The following RIMS2 variants were observed in gnomAD, a reference collection of about 807,000 sequenced individuals.
RIMS2 encodes regulating synaptic membrane exocytosis protein 2.
RIMS2 carries 59 observed loss-of-function variants against 174.4 expected under a neutral mutation model. The observed-to-expected ratio is 0.34, with a 90% CI of 0.27 to 0.42. The LOEUF (loss-of-function observed/expected upper bound fraction) is 0.42, where lower values mean the gene tolerates loss of function less well. RIMS2 is among the 10% of genes least tolerant of loss of function. RIMS2 has a pLI of 1.00. For synonymous variants in RIMS2, 606 were observed against 572.5 expected (o/e 1.06, Z -0.84); for missense variants, 1,620 against 1,666.3 (o/e 0.97, Z 0.48).
chr8:103,586,330 A>G (rs2133083879), intron 1 of RIMS2, among the ~76,000 whole-genome samples: 1 of 152,340 alleles, frequency 6.6e-6, no homozygotes, highest in South Asian at 2.1e-4. Context: ...ATTCTCAAAG[A>G]TAGACTATAT....
intron 2 of RIMS2, among the ~76,000 whole-genome samples, chr8:103,732,668 A>G (rs1280692681): frequency 6.6e-6 from 1 of 151,970 alleles, no homozygotes; most frequent in African/African-American, 2.4e-5. Flanking sequence ...GAAAGACAAA[A>G]TGTTTCCCAC....
chr8:103,521,077 T>C (rs1199599594), intron 1 of RIMS2, among the ~76,000 whole-genome samples: 2 of 144,534 alleles, frequency 1.4e-5, no homozygotes, highest in African/African-American at 2.6e-5. Context: ...TAGGTGGGAA[T>C]TGAACAATGA....
intron 19 of RIMS2, among the ~76,000 whole-genome samples, chr8:104,235,518 T>C (rs2139513517): frequency 6.6e-6 from 1 of 152,284 alleles, no homozygotes; most frequent in Admixed American, 6.5e-5. Flanking sequence ...TTGTTCTGAA[T>C]TGAGTAGTTG....
At chr8:104,192,574 C>A (rs1394007440) in intron 19 of RIMS2, among the ~76,000 whole-genome samples, 1 of 152,126 alleles carries the variant, frequency 6.6e-6, no homozygotes, top group South Asian at 2.1e-4. Context: ...GCTAGTGCCA[C>A]AAATGAGTAT....
In RIMS2 at chr8:104,218,455, A is replaced by G. The variant is rs1451594367; in HGVS notation, c.3335-26461A>G. On this transcript the variant is annotated intron_variant, in intron 19 of 23. Coordinates refer to ENST00000504942, the Ensembl canonical transcript of RIMS2. Reference sequence around the variant, plus strand: ...GTTTTGTCGAAGACAGTTCTTCCACAGACCAGGAGCAAGGGATGGTTTCAG... The same window carrying G: ...GTTTTGTCGAAGACAGTTCTTCCACGGACCAGGAGCAAGGGATGGTTTCAG... Among the ~76,000 whole-genome samples, 7 of 152,214 alleles carry G rather than the reference A, an allele frequency of 4.6e-5. No homozygotes were observed. The South Asian group carries it at 8.3e-4, about 18-fold the overall frequency.
chr8:104,203,025 A>C (rs2099062531), intron 19 of RIMS2, among the ~76,000 whole-genome samples: 1 of 152,170 alleles, frequency 6.6e-6, no homozygotes, highest in African/African-American at 2.4e-5. Flanking sequence ...CTTCACGTGA[A>C]GTTGTATTCA....
chr8:103,744,087 C>T (rs7818836), intron 2 of RIMS2, among the ~76,000 whole-genome samples: 34,929 of 152,022 alleles, frequency 0.23, 4,297 homozygotes, highest in Non-Finnish European at 0.25. Flanking sequence ...TGCTCTGTTG[C>T]CAGGCTGGAG....
At chr8:103,629,749 A>T (rs1469442339) in intron 1 of RIMS2, among the ~76,000 whole-genome samples, 2 of 152,154 alleles carry the variant, frequency 1.3e-5, no homozygotes, top group Non-Finnish European at 2.9e-5. Context: ...TAAAAAATGC[A>T]ATAACCAAAA....
intron 19 of RIMS2, among the ~76,000 whole-genome samples, chr8:104,039,800 A>C (rs1460898113): frequency 6.6e-6 from 1 of 151,728 alleles, no homozygotes; most frequent in African/African-American, 2.4e-5. Context: ...ATGGAAACAA[A>C]AATATAGCAT....
chr8:103,915,650 A>G, intron 7 of RIMS2, 56 bp downstream of exon 10: 1 of 804,366 alleles, frequency 1.2e-6, no homozygotes, highest in South Asian at 2.1e-5. Flanking sequence ...AGTAGTTATG[A>G]GTTATTTTCA....
intron 2 of RIMS2, among the ~76,000 whole-genome samples, chr8:103,762,435 G>T (rs547366373): frequency 6.6e-5 from 10 of 151,982 alleles, no homozygotes; most frequent in Admixed American, 2.0e-4. Flanking sequence ...TGGTTAAAGC[G>T]TTCTATTAGC....
At chr8:103,772,455 C>A (rs983613234) in intron 3 of RIMS2, among the ~76,000 whole-genome samples, 2 of 151,994 alleles carry the variant, frequency 1.3e-5, no homozygotes, top group Admixed American at 1.3e-4. Context: ...ATAAATCTAA[C>A]AAAATATGTA....
At chr8:103,646,345 G>A (rs929823735) in intron 1 of RIMS2, among the ~76,000 whole-genome samples, 21 of 152,078 alleles carry the variant, frequency 1.4e-4, no homozygotes, top group African/African-American at 3.4e-4. Flanking sequence ...CTAATTTTTC[G>A]TATCATATGC....
chr8:104,104,701 T>C (rs917728178), intron 19 of RIMS2, among the ~76,000 whole-genome samples: 4 of 151,958 alleles, frequency 2.6e-5, no homozygotes, highest in Non-Finnish European at 5.9e-5. Context: ...ACTGCAGGAA[T>C]TTGAGACCAG....
intron 1 of RIMS2, among the ~76,000 whole-genome samples, chr8:103,667,774 C>G (rs6984805): frequency 0.01 from 1,528 of 152,284 alleles, 28 homozygotes; most frequent in African/African-American, 0.035. Flanking sequence ...TCTGGGATGT[C>G]ATCTGCTTCT....
chr8:103,717,626 A>G (rs2097388856), intron 2 of RIMS2, among the ~76,000 whole-genome samples: 1 of 152,210 alleles, frequency 6.6e-6, no homozygotes, highest in Middle Eastern at 3.2e-3. Flanking sequence ...GAGGCACTTG[A>G]TGATAAAACT....
intron 19 of RIMS2, among the ~76,000 whole-genome samples, chr8:104,110,849 A>C (rs1484723632): frequency 2.0e-5 from 3 of 152,186 alleles, no homozygotes; most frequent in African/African-American, 7.2e-5. Flanking sequence ...CACTATAATA[A>C]AGTTGTATTT....
At chr8:103,914,945 A>C (rs2154528166) in intron 6 of RIMS2, among the ~76,000 whole-genome samples, 1 of 152,234 alleles carries the variant, frequency 6.6e-6, no homozygotes, top group Admixed American at 6.5e-5. Context: ...CATAAAAATG[A>C]AAAATTGGGA....
At chr8:103,906,463 T>C (rs77435969) in intron 4 of RIMS2, among the ~76,000 whole-genome samples, 37,330 of 151,990 alleles carry the variant, frequency 0.25, 4,947 homozygotes, top group Non-Finnish European at 0.27. Flanking sequence ...CCAGGCTGGT[T>C]TCAAACTCCT....
Sources: allele counts gnomAD v4.1 joint callset (sites outside exome capture counted in the v4.1 genomes callset), GRCh38; gene constraint gnomAD v4.1.1; transcripts MANE v1.5; gene names NCBI Gene and HGNC (gene_info 2026-07-23, HGNC 2026-07-21).